The following HERPUD1 variants were observed in gnomAD, a reference collection of about 807,000 sequenced individuals.
The protein encoded by HERPUD1 is homocysteine-responsive endoplasmic reticulum-resident ubiquitin-like domain member 1 protein.
HERPUD1 carries 17 observed loss-of-function variants against 45.0 expected under a neutral mutation model. The ratio of observed to expected loss-of-function variants is 0.38; its 90% CI spans 0.26 to 0.57. The LOEUF (loss-of-function observed/expected upper bound fraction) is 0.57, where lower values mean the gene tolerates loss of function less well. Among genes scored for constraint, HERPUD1 ranks in the 20% least tolerant of loss-of-function variants. The pLI is 0.72. For missense variants in HERPUD1, 420 were observed against 490.5 expected (o/e 0.86, Z 1.36); for synonymous variants, 164 against 177.5 (o/e 0.92, Z 0.61).
chr16:56,937,908 G>T (rs931938029), intron 4 of HERPUD1, among the ~76,000 whole-genome samples: 1 of 151,712 alleles, frequency 6.6e-6, no homozygotes, highest in Non-Finnish European at 1.5e-5. Context: ...ATATAAATTG[G>T]ATAATTATTG....
chr16:56,935,739 C>T (rs1245388472), intron 3 of HERPUD1: 2 of 461,484 alleles, frequency 4.3e-6, no homozygotes, highest in African/African-American at 3.9e-5. Context: ...TCTATGGTTA[C>T]TGTGTATCTA....
rs147630132 is a variant in HERPUD1 at position 56,940,165 on chromosome 16, T to C, written c.825T>C (p.Ser275=). ...LDWTYSAATF[S]VFLSILYFYS... Reference sequence around the variant, plus strand: ...GGACCTATTCAGCAGCTACATTTTCTGTTTTTCTCAGTATCCTCTACTTCT... The same window carrying C: ...GGACCTATTCAGCAGCTACATTTTCCGTTTTTCTCAGTATCCTCTACTTCT... Residue 275 remains serine (S), a synonymous_variant, in exon 6 of 8, where the codon TCT becomes TCC. Transcript: ENST00000439977. The C allele has an allele frequency of 0.023, 36,440 of 1,614,196 alleles. 471 individuals are homozygous for C. The highest frequency in any genetic ancestry group is 0.026 in the Non-Finnish European group (31,054 of 1,179,996).
At chr16:56,940,323 G>A in intron 6 of HERPUD1, 78 bp downstream of exon 6, 1 of 1,073,006 alleles carries the variant, frequency 9.3e-7, no homozygotes, top group Non-Finnish European at 1.4e-6. Flanking sequence ...TTTGTTTCTT[G>A]TTTTTTTTGA....
chr16:56,937,656 G>A (rs1394916495), intron 4 of HERPUD1, among the ~76,000 whole-genome samples: 1 of 149,922 alleles, frequency 6.7e-6, no homozygotes, highest in African/African-American at 2.5e-5. Flanking sequence ...TAATTCCCAG[G>A]CATCATGTTA....
Position 56,942,249 on chromosome 16 carries a change from C to A in HERPUD1, c.1011+12C>A. Reference sequence around the variant, plus strand: ...ACAATAACTTACAGGTATGGAGCCTCCCACGAAGCCCAGGCGAGCTTGACG... The same window carrying A: ...ACAATAACTTACAGGTATGGAGCCTACCACGAAGCCCAGGCGAGCTTGACG... On this transcript the variant is annotated intron_variant, in intron 7 of 7. Transcript: ENST00000439977. 1.3e-6 allele frequency: 2 copies of A among 1,579,828 alleles called. No homozygotes were observed. Among genetic ancestry groups the A allele is most frequent in the Non-Finnish European group, 1.7e-6 (2 of 1,148,888 alleles).
At chr16:56,933,886 C>A (rs1168719024) in intron 1 of HERPUD1, among the ~76,000 whole-genome samples, 1 of 152,104 alleles carries the variant, frequency 6.6e-6, no homozygotes, top group Non-Finnish European at 1.5e-5. Context: ...AATGCAGGAC[C>A]CTACATATAC....
rs749924913 is a variant in HERPUD1 at position 56,940,075 on chromosome 16, G to A, written c.735G>A (p.Arg245=). The change falls in exon 6 of 8, where the codon CGG becomes CGA. Residue 245 remains arginine (R), a synonymous_variant. Transcript: ENST00000439977. ...VVNPGANQNL[R]MNAQGGPIVE... is the part of the protein sequence containing the mutation. ...ATCCTGGAGCCAATCAAAATTTGCG[G>A]ATGAATGCACAAGGTGGCCCTATTG... 6.2e-7 allele frequency: 1 copy of A among 1,614,202 alleles called. No individual in the cohort carries two copies. Among genetic ancestry groups the A allele is most frequent in the Non-Finnish European group, 8.5e-7 (1 of 1,180,038 alleles).
chr16:56,932,389 C>T lies in HERPUD1; in HGVS notation c.145C>T (p.Pro49Ser). 1.3e-6 allele frequency: 2 copies of T among 1,579,400 alleles called. No individual in the cohort carries two copies. The highest frequency in any genetic ancestry group is 1.7e-6 in the Non-Finnish European group (2 of 1,167,230). ...CCTGAGCCGCGTCTACCCCGAGCGT[C>T]CGGTGAGAGCGGCCCCGACTTCCCG... ...AHLSRVYPER[P>S]RPEDQRLIYS... Residue 49 changes from proline to serine, a missense_variant and splice_region_variant, in exon 1 of 8, where the codon CCG (proline) becomes TCG (serine). By Grantham distance (74) the Pro-to-Ser change is moderately conservative (BLOSUM62 -1). Coordinates refer to ENST00000439977, the MANE Select transcript of HERPUD1 (RefSeq NM_014685.4).
chr16:56,943,164 C>A lies in HERPUD1; in HGVS notation c.1050C>A (p.Leu350=). ...TDPETEDPNH[L]PPDRDVLDGE... ...CTGAAACTGAAGACCCCAACCACCTCCCTCCAGACAGGGATGTACTAGATG... is the reference window on the plus strand; with the variant it reads ...CTGAAACTGAAGACCCCAACCACCTACCTCCAGACAGGGATGTACTAGATG... Residue 350 remains leucine, a synonymous_variant, in exon 8 of 8, where the codon CTC becomes CTA. Transcript: ENST00000439977. 1 of 1,614,206 alleles carries A rather than the reference C, an allele frequency of 6.2e-7. No individual in the cohort carries two copies. The highest frequency in any genetic ancestry group is 8.5e-7 in the Non-Finnish European group (1 of 1,180,024).
At chr16:56,934,131 C>T (rs569497963) in intron 1 of HERPUD1, among the ~76,000 whole-genome samples, 6 of 152,296 alleles carry the variant, frequency 3.9e-5, no homozygotes, top group South Asian at 2.1e-4. Context: ...TTCCAGGTTT[C>T]GCATAATCAG....
At chr16:56,933,364 G>T (rs1315736753) in intron 1 of HERPUD1, 2 of 455,808 alleles carry the variant, frequency 4.4e-6, no homozygotes, top group African/African-American at 4.0e-5. Context: ...TATTTATTTA[G>T]TAAGCTTGCA....
chr16:56,934,183 TA>T (rs1182631420), intron 1 of HERPUD1, among the ~76,000 whole-genome samples: 1 of 152,234 alleles, frequency 6.6e-6, no homozygotes, highest in African/African-American at 2.4e-5. Flanking sequence ...TGATCTCCAA[TA>T]GACAGATTAT....
In HERPUD1 at chr16:56,942,185, A is replaced by G; in HGVS notation, c.959A>G (p.Asn320Ser). The change falls in exon 7 of 8, where the codon AAT becomes AGT. Residue 320 changes from asparagine to serine, a missense_variant. Asn to Ser is a conservative substitution (Grantham distance 46). Coordinates refer to ENST00000439977, the MANE Select transcript of HERPUD1 (RefSeq NM_014685.4). The part of the protein sequence containing the change: ...FRPRPVQNFP[N>S]DGPPPDVVNQ... ...CCGAGGCCGGTTCAGAACTTCCCAA[A>G]TGATGGTCCTCCTCCTGACGTTGTA... The G allele has an allele frequency of 1.2e-6, 2 of 1,614,150 alleles. No individual in the cohort carries two copies. The highest frequency in any genetic ancestry group is 1.7e-6 in the Non-Finnish European group (2 of 1,179,996).
rs760839124 is a variant in HERPUD1 at position 56,935,227 on chromosome 16, A to G, written c.148-8A>G. On this transcript the variant is annotated splice_polypyrimidine_tract_variant and splice_region_variant and intron_variant, in intron 1 of 7. Coordinates refer to ENST00000439977, the MANE Select transcript of HERPUD1 (RefSeq NM_014685.4). ...CTGACCTGTGTTACTCTTTCTTTCC[A>G]TGATCAGCGTCCAGAGGACCAGAGG... 1.2e-6 allele frequency: 2 copies of G among 1,607,774 alleles called. No homozygotes were observed. Among genetic ancestry groups the G allele is most frequent in the Non-Finnish European group, 1.7e-6 (2 of 1,174,262 alleles).
At chr16:56,943,037 C>T (rs891586268) in intron 7 of HERPUD1, 89 bp from the exon 8 acceptor site, 1 of 1,382,448 alleles carries the variant, frequency 7.2e-7, no homozygotes, top group Admixed American at 1.8e-5. Flanking sequence ...CAGGGATTTA[C>T]CCTGCCCTTT....
chr16:56,933,224 T>C, intron 1 of HERPUD1: 1 of 455,692 alleles, frequency 2.2e-6, no homozygotes, highest in East Asian at 6.9e-5. Flanking sequence ...GGAGAGGGCA[T>C]CCGGGCAGGA....
rs1476661779 is a variant in HERPUD1 at position 56,939,975 on chromosome 16, C to G, written c.635C>G (p.Pro212Arg). 1.9e-6 allele frequency: 3 copies of G among 1,614,190 alleles called. No individual in the cohort carries two copies. In the East Asian group the frequency reaches 6.7e-5, roughly 36 times the overall value. The change falls in exon 6 of 8, where the codon CCA becomes CGA. Residue 212 changes from proline to arginine, a missense_variant. Physicochemically the swap from Pro to Arg is moderately radical, Grantham distance 103. Coordinates refer to ENST00000439977, the MANE Select transcript of HERPUD1 (RefSeq NM_014685.4). The stretch of plus-strand genomic sequence containing the variant: ...ATACCTGTGGTCTCTGCACCTGCTC[C>G]AGCCCCTATTCACAACCAGTTTCCA... ...QEIPVVSAPA[P>R]APIHNQFPAE...
Position 56,942,247 on chromosome 16 carries a change from C to G in HERPUD1, c.1011+10C>G. 1 of 1,591,808 alleles carries G rather than the reference C, an allele frequency of 6.3e-7. No homozygotes were observed. The highest frequency in any genetic ancestry group is 1.1e-5 in the South Asian group (1 of 90,586). Reference sequence around the variant, plus strand: ...CAACAATAACTTACAGGTATGGAGCCTCCCACGAAGCCCAGGCGAGCTTGA... The same window carrying G: ...CAACAATAACTTACAGGTATGGAGCGTCCCACGAAGCCCAGGCGAGCTTGA... On this transcript the variant is annotated intron_variant, in intron 7 of 7. Transcript: ENST00000439977.
At chr16:56,936,847 T>C (rs1163278345) in intron 4 of HERPUD1, 30 bp downstream of exon 4, 1 of 1,609,808 alleles carries the variant, frequency 6.2e-7, no homozygotes, top group East Asian at 2.2e-5. Context: ...TCTTGGCTTA[T>C]GCAACATGAA....
Sources: gnomAD v4.1 joint callset for allele counts (sites outside exome capture counted in the v4.1 genomes callset) on GRCh38, gnomAD v4.1.1 for gene constraint, MANE v1.5 for transcripts, NCBI Gene and HGNC (gene_info 2026-07-23, HGNC 2026-07-21) for gene names.